Variants in DBH observed in about 807,000 individuals in gnomAD.
The protein encoded by DBH is dopamine beta-hydroxylase (dopamine beta-monooxygenase).
A neutral mutation model predicts 64.0 loss-of-function variants in DBH; 49 were observed. The ratio of observed to expected loss-of-function variants is 0.77; its 90% CI spans 0.61 to 0.97. The LOEUF is 0.97. Among genes scored for constraint, DBH ranks in the 50% least tolerant of loss-of-function variants. DBH has a pLI of 0.00. For missense variants in DBH, 828 were observed against 826.6 expected, an observed-to-expected ratio of 1.00 and a Z score of -0.02; for synonymous variants, 343 against 347.1, an observed-to-expected ratio of 0.99 and a Z score of 0.13.
At position 133,658,771 on chromosome 9, in the gene DBH, C is replaced by G. The variant is rs1346265284; in HGVS notation, c.*324C>G. The stretch of plus-strand genomic sequence containing the variant: ...GCCCTCCGCCAGCCCTGTTCCGCCT[C>G]ACTGGGTGTGGCCTGGCTTCTGGGA... On this transcript the variant is annotated 3_prime_UTR_variant, in exon 12 of 12. Coordinates refer to ENST00000393056, the MANE Select transcript of DBH (RefSeq NM_000787.4). The G allele has an allele frequency of 4.9e-6, 1 of 204,616 alleles. No homozygotes were observed. The highest frequency in any genetic ancestry group is 1.0e-4 in the East Asian group (1 of 9,876). The allele number at this position is 204,616 out of a possible 1,614,324, so 12.7% of individuals were successfully genotyped here. A position where few individuals can be genotyped will look rare whatever the true frequency, so the allele number is the denominator to read the frequency against.
intron 5 of DBH, among the ~76,000 whole-genome samples, chr9:133,644,999 A>G (rs1832166234): frequency 6.6e-6 from 1 of 152,222 alleles, no homozygotes. Flanking sequence ...ACGCAGAAGC[A>G]CACACATGCA....
At chr9:133,652,570 G>A (rs1832264184) in intron 8 of DBH, among the ~76,000 whole-genome samples, 1 of 152,122 alleles carries the variant, frequency 6.6e-6, no homozygotes, top group Non-Finnish European at 1.5e-5. Flanking sequence ...GAGAGTGTTT[G>A]GGGGAGATGA....
rs1832138178 is a variant in DBH at position 133,643,204 on chromosome 9, C to T, written c.745-209C>T. Among the ~76,000 whole-genome samples the T allele has an allele frequency of 1.5e-5, 2 of 133,570 alleles. No individual in the cohort carries two copies. The highest frequency in any genetic ancestry group is 1.5e-4 in the Admixed American group (2 of 13,616). The allele number at this position is 133,570 out of a possible 152,430, so 87.6% of individuals were successfully genotyped here. A position where few individuals can be genotyped will look rare whatever the true frequency, so the allele number is the denominator to read the frequency against. On this transcript the variant is annotated intron_variant, in intron 3 of 11. Transcript: ENST00000393056. The surrounding 1 kb of genome is among the most constrained non-coding windows in gnomAD (Gnocchi z 5.3). ...TCCCTGCCTTGGCCTGTACGAACCT[C>T]ATTTCCTTCACTCTGGAGCTGCCTA...
chr9:133,650,426 T>TTTCTTTCC (rs994274413), intron 6 of DBH, among the ~76,000 whole-genome samples: 13 of 150,486 alleles, frequency 8.6e-5, no homozygotes, highest in East Asian at 3.9e-4. Context: ...GACGTGTTCT[T>TTTCTTTCC]TTCTTTCCTT....
At chr9:133,657,488 AGAGAGAGAG>A (rs1391820343) in intron 11 of DBH, among the ~76,000 whole-genome samples, 36 of 142,956 alleles carry the variant, frequency 2.5e-4, no homozygotes, top group African/African-American at 9.0e-4. Flanking sequence ...GGGAGAGAGG[AGAGAGAGAG>A]GAGAGAGAGA....
intron 1 of DBH, among the ~76,000 whole-genome samples, chr9:133,639,430 C>T (rs565209443): frequency 1.3e-5 from 2 of 152,228 alleles, no homozygotes; most frequent in African/African-American, 4.8e-5. Context: ...AACTCTCCTG[C>T]CTGCATGAAT....
chr9:133,636,732 G>C, intron 1 of DBH, 22 bp downstream of exon 1: 2 of 1,593,484 alleles, frequency 1.3e-6, no homozygotes, highest in Non-Finnish European at 1.7e-6. Flanking sequence ...CTCCCTGCCA[G>C]CTCTCCAAAC....
At position 133,651,765 on chromosome 9, in the gene DBH, C is replaced by A. The variant is rs1832251810; in HGVS notation, c.1323C>A (p.Ser441Arg). The A allele has an allele frequency of 6.2e-7, 1 of 1,605,662 alleles. No homozygotes were observed. The part of the protein sequence containing the change: ...WEIVNQDNHY[S>R]PHFQEIRMLK... ...TCGTGAACCAGGACAATCACTACAG[C>A]CCTCACTTCCAGGTAGGAACCTGCA... The change falls in exon 7 of 12, where the codon AGC (serine) becomes AGA (arginine). Residue 441 changes from serine to arginine, a missense_variant. Transcript: ENST00000393056.
At chr9:133,647,355 T>C (rs1049986402) in intron 5 of DBH, among the ~76,000 whole-genome samples, 3 of 152,332 alleles carry the variant, frequency 2.0e-5, no homozygotes, top group Admixed American at 2.0e-4. Context: ...CCATGCCCTC[T>C]TCTTTGCCCA....
chr9:133,650,460 T>C (rs1297527862), intron 6 of DBH, among the ~76,000 whole-genome samples: 2 of 134,796 alleles, frequency 1.5e-5, no homozygotes, highest in African/African-American at 6.9e-5. Context: ...CTTTCCTTTC[T>C]TTTCTTTTTC....
In DBH at chr9:133,642,467, AC is replaced by A. The variant is rs1832129067; in HGVS notation, c.744+4del. The A allele has an allele frequency of 6.2e-7, 1 of 1,605,000 alleles. No individual in the cohort carries two copies. Among genetic ancestry groups the A allele is most frequent in the Admixed American group, 1.7e-5 (1 of 58,606 alleles). The stretch of plus-strand genomic sequence containing the variant: ...TCTCTCGGCACCACATTATCAAGGT[AC>A]GTGCGGGTCCAGGGCCGAGGTCCTC... On this transcript the variant is annotated splice_donor_region_variant and intron_variant, in intron 3 of 11. Coordinates refer to ENST00000393056, the MANE Select transcript of DBH (RefSeq NM_000787.4).
intron 1 of DBH, among the ~76,000 whole-genome samples, chr9:133,638,499 G>A (rs979107200): frequency 1.3e-5 from 2 of 152,200 alleles, no homozygotes; most frequent in Admixed American, 6.5e-5. Flanking sequence ...GCCAGGCAGG[G>A]CAGGGAAGCA....
Position 133,642,248 on chromosome 9 carries a change from G to C in DBH, c.528G>C (p.Pro176=). The C allele has an allele frequency of 6.2e-7, 1 of 1,613,930 alleles. No homozygotes were observed. Among genetic ancestry groups the C allele is most frequent in the Non-Finnish European group, 8.5e-7 (1 of 1,180,024 alleles). ...VHLVYGILEE[P]FRSLEAINGS... Reference sequence around the variant, plus strand: ...TGGTCTACGGGATCCTGGAGGAGCCGTTCCGGTCACTGGAGGCCATCAACG... The same window carrying C: ...TGGTCTACGGGATCCTGGAGGAGCCCTTCCGGTCACTGGAGGCCATCAACG... Residue 176 remains proline (P), a synonymous_variant, in exon 3 of 12, where the codon CCG becomes CCC. Transcript: ENST00000393056.
chr9:133,648,343 C>A (rs1171426024), intron 6 of DBH, among the ~76,000 whole-genome samples: 6 of 152,248 alleles, frequency 3.9e-5, no homozygotes, highest in African/African-American at 7.2e-5. Flanking sequence ...GCAGGCACTG[C>A]AGCTAAAGAG....
At chr9:133,645,433 T>C (rs1832171431) in intron 5 of DBH, among the ~76,000 whole-genome samples, 1 of 152,212 alleles carries the variant, frequency 6.6e-6, no homozygotes, top group South Asian at 2.1e-4. Context: ...TCTTCATGAT[T>C]ATCTGGTTGT....
At chr9:133,653,480 C>T (rs1832275867) in intron 9 of DBH, among the ~76,000 whole-genome samples, 1 of 152,060 alleles carries the variant, frequency 6.6e-6, no homozygotes, top group Admixed American at 6.6e-5. Context: ...GGCAGAGGTG[C>T]GGGGACCTGG....
intron 9 of DBH, chr9:133,655,382 G>C (rs1832303543): frequency 6.6e-6 from 1 of 152,238 alleles, no homozygotes; most frequent in African/African-American, 2.4e-5. Context: ...CAGAGGGTGG[G>C]GAGGGACAGG....
intron 11 of DBH, 40 bp downstream of exon 11, chr9:133,657,269 A>C: frequency 1.2e-6 from 2 of 1,611,494 alleles, no homozygotes; most frequent in Non-Finnish European, 1.7e-6. Flanking sequence ...GCAGTCAGGC[A>C]GGCCTCATGG....
intron 4 of DBH, 103 bp from the exon 5 acceptor site, chr9:133,644,115 C>A: frequency 1.2e-6 from 1 of 864,616 alleles, no homozygotes; most frequent in South Asian, 1.3e-5. Context: ...CCCCCTCCAC[C>A]ACCCCTGAGG....
Sources: allele counts gnomAD v4.1 joint callset (sites outside exome capture counted in the v4.1 genomes callset), GRCh38; gene constraint gnomAD v4.1.1; non-coding constraint Gnocchi (gnomAD v3.1); transcripts MANE v1.5; gene names NCBI Gene and HGNC (gene_info 2026-07-23, HGNC 2026-07-21).